The following TIAM2 variants were observed in gnomAD, a reference collection of about 807,000 sequenced individuals.
The protein encoded by TIAM2 is rho guanine nucleotide exchange factor TIAM2.
In TIAM2, 80 loss-of-function variants were observed where a neutral mutation model predicts 152.9. That is an observed-to-expected ratio of 0.52 (90% CI 0.44 to 0.63). The LOEUF (loss-of-function observed/expected upper bound fraction) is 0.63. Among genes scored for constraint, TIAM2 ranks in the 30% least tolerant of loss-of-function variants. The pLI, the probability that TIAM2 is intolerant of heterozygous loss-of-function variation, is 0.00. For missense variants in TIAM2, 1,965 were observed against 2,120.1 expected (o/e 0.93, Z 1.44); for synonymous variants, 804 against 838.0 (o/e 0.96, Z 0.70).
At chr6:155,101,814 G>C (rs1197664636) in intron 2 of TIAM2, among the ~76,000 whole-genome samples, 1 of 151,898 alleles carries the variant, frequency 6.6e-6, no homozygotes, top group South Asian at 2.1e-4. Flanking sequence ...GGGTTCTCCT[G>C]CCTCAGCCTC....
chr6:155,043,182 GTGCACTCACC>G (rs1279797346), intron 1 of TIAM2, among the ~76,000 whole-genome samples: 2 of 152,290 alleles, frequency 1.3e-5, no homozygotes, highest in Non-Finnish European at 2.9e-5. Context: ...TCTGCTGACT[GTGCACTCACC>G]TGCTGCCCTC....
At chr6:155,227,849 C>T (rs1252409466) in intron 15 of TIAM2, among the ~76,000 whole-genome samples, 4 of 152,168 alleles carry the variant, frequency 2.6e-5, no homozygotes, top group Admixed American at 6.5e-5. Context: ...GCAGCCTCCT[C>T]AGCAGTCTAG....
rs1780404599 is a variant in TIAM2, at chr6:155,165,487, C to G, written c.2361+78C>G. 17 of 1,524,650 alleles carry G rather than the reference C, an allele frequency of 1.1e-5. 1 individual carries two copies. In the South Asian group the frequency reaches 2.2e-4, roughly 20 times the overall value. 94.4% of individuals were successfully genotyped at this position (1,524,650 alleles called of 1,614,324 possible). ...TAATTTTCGGCCTGCTATGAATCATCAATGTTCATTCTCTGTTAAGAATGA... is the reference window on the plus strand; with the variant it reads ...TAATTTTCGGCCTGCTATGAATCATGAATGTTCATTCTCTGTTAAGAATGA... On this transcript the variant is annotated intron_variant, in intron 9 of 26. Transcript: ENST00000682666.
intron 1 of TIAM2, among the ~76,000 whole-genome samples, chr6:155,030,334 G>A (rs146739106): frequency 2.3e-3 from 349 of 152,210 alleles, no homozygotes; most frequent in Non-Finnish European, 3.8e-3. Context: ...AGGAAATGAC[G>A]TAGGTTGTTA....
intron 1 of TIAM2, among the ~76,000 whole-genome samples, chr6:155,057,013 C>CTTTTT (rs1193342447): frequency 2.5e-5 from 1 of 40,422 alleles, no homozygotes; most frequent in Non-Finnish European, 5.7e-5. Flanking sequence ...CCTCAGTTTT[C>CTTTTT]TTTCTTTTTT....
chr6:155,244,434 T>TAA (rs905146876), intron 17 of TIAM2, among the ~76,000 whole-genome samples: 1 of 152,242 alleles, frequency 6.6e-6, no homozygotes, highest in African/African-American at 2.4e-5. Context: ...TACATCCACT[T>TAA]AAAAATTTAC....
At chr6:155,152,297 CCAA>C (rs1779990604) in intron 7 of TIAM2, among the ~76,000 whole-genome samples, 1 of 152,196 alleles carries the variant, frequency 6.6e-6, no homozygotes, top group Admixed American at 6.5e-5. Flanking sequence ...GCTTTGGGAT[CCAA>C]CAAGAACACA....
At chr6:155,114,036 A>ATATTTTTT in intron 2 of TIAM2, among the ~76,000 whole-genome samples, 12 of 34,904 alleles carry the variant, frequency 3.4e-4, no homozygotes, top group South Asian at 1.4e-3. Flanking sequence ...ATATATATAT[A>ATATTTTTT]TTTTTTTTTT....
At chr6:155,224,044 C>G (rs565874699) in intron 15 of TIAM2, among the ~76,000 whole-genome samples, 2 of 152,174 alleles carry the variant, frequency 1.3e-5, no homozygotes, top group Non-Finnish European at 2.9e-5. Context: ...TCCCCTTCAC[C>G]GAGGCCTGCT....
chr6:155,097,577 G>A (rs1395979132), intron 2 of TIAM2, among the ~76,000 whole-genome samples: 1 of 152,208 alleles, frequency 6.6e-6, no homozygotes, highest in African/African-American at 2.4e-5. Flanking sequence ...CTGGCCTCAA[G>A]CGATCCTCCT....
intron 2 of TIAM2, among the ~76,000 whole-genome samples, chr6:155,114,783 G>A (rs1021314956): frequency 3.9e-5 from 6 of 151,944 alleles, no homozygotes; most frequent in African/African-American, 1.5e-4. Flanking sequence ...TTTGTGAAAG[G>A]GGCATGGATT....
chr6:155,144,802 G>A (rs758651417), intron 6 of TIAM2, 24 bp downstream of exon 6: 19 of 1,593,480 alleles, frequency 1.2e-5, no homozygotes, highest in Admixed American at 1.8e-5. Flanking sequence ...TTTGTAAGTG[G>A]AGGTAATAGC....
intron 1 of TIAM2, among the ~76,000 whole-genome samples, chr6:155,066,005 C>T (rs1016822175): frequency 2.0e-5 from 3 of 152,090 alleles, no homozygotes; most frequent in Non-Finnish European, 4.4e-5. Context: ...ACCTGAAGGG[C>T]CTGCTTTTGT....
rs79163193 is a variant in TIAM2, at chr6:155,111,374, A to T, written c.-117-16116A>T. 3.3e-5 allele frequency among the ~76,000 whole-genome samples: 5 copies of T among 152,200 alleles called. No homozygotes were observed. The East Asian group carries it at 9.7e-4, about 29-fold the overall frequency. On this transcript the variant is annotated intron_variant, in intron 2 of 26. Transcript: ENST00000682666. ...AAATTGATAGGATGATCACAAATGT[A>T]TCCAAACAGCCAGACAAGTTAACTA... is the stretch of plus-strand genomic sequence containing the variant.
intron 7 of TIAM2, among the ~76,000 whole-genome samples, chr6:155,158,921 T>C (rs1479277282): frequency 6.6e-6 from 1 of 152,110 alleles, no homozygotes; most frequent in Non-Finnish European, 1.5e-5. Context: ...GGCATTCTAG[T>C]TTTTGATGTT....
chr6:155,202,100 T>A (rs1480098272), intron 14 of TIAM2, among the ~76,000 whole-genome samples: 1 of 152,218 alleles, frequency 6.6e-6, no homozygotes, highest in Non-Finnish European at 1.5e-5. Context: ...ATATTAAGAG[T>A]AGGTAATAAT....
intron 12 of TIAM2, among the ~76,000 whole-genome samples, chr6:155,180,268 A>G (rs1780867375): frequency 6.6e-6 from 1 of 152,218 alleles, no homozygotes; most frequent in African/African-American, 2.4e-5. Flanking sequence ...CCTGGGCGAC[A>G]AGAGCGAAAC....
At chr6:155,060,215 C>G (rs112256338) in intron 1 of TIAM2, among the ~76,000 whole-genome samples, 95 of 152,112 alleles carry the variant, frequency 6.2e-4, no homozygotes, top group African/African-American at 2.1e-3. Context: ...ACCAGCCTGA[C>G]CAACGTGGAG....
chr6:155,234,039 A>G (rs1782611972), intron 15 of TIAM2, among the ~76,000 whole-genome samples: 1 of 151,834 alleles, frequency 6.6e-6, no homozygotes, highest in Non-Finnish European at 1.5e-5. Context: ...TTGCTTTTCC[A>G]GATAGCATAA....
Sources: gnomAD v4.1 joint callset for allele counts (sites outside exome capture counted in the v4.1 genomes callset) on GRCh38, gnomAD v4.1.1 for gene constraint, MANE v1.5 for transcripts, NCBI Gene and HGNC (gene_info 2026-07-23, HGNC 2026-07-21) for gene names.